Variants in TSPAN18 observed in about 807,000 individuals in gnomAD.
TSPAN18 encodes the protein tetraspanin 18, also known as tetraspanin-18.
A neutral mutation model predicts 27.3 loss-of-function variants in TSPAN18; 14 were observed. The observed-to-expected ratio is 0.51, with a 90% confidence interval of 0.34 to 0.80. The LOEUF is 0.80. Among genes scored for constraint, TSPAN18 ranks in the 30% least tolerant of loss-of-function variants. The probability of loss-of-function intolerance (pLI) is 0.01; values close to 1 mark genes in which losing one functional copy is unlikely to be tolerated. For synonymous variants in TSPAN18, 143 were observed against 136.5 expected (o/e 1.05, Z -0.33); for missense variants, 268 against 323.9 (o/e 0.83, Z 1.32).
chr11:44,863,145 C>T lies in TSPAN18; in HGVS notation c.-11+2676C>T, dbSNP rs534357031. Among the ~76,000 whole-genome samples, 8 of 152,294 alleles carry T rather than the reference C, an allele frequency of 5.3e-5. No homozygotes were observed. The East Asian group carries it at 1.5e-3, about 29-fold the overall frequency. On this transcript the variant is annotated intron_variant, in intron 3 of 9. Coordinates refer to ENST00000520358, the MANE Select transcript of TSPAN18 (RefSeq NM_130783.5). ...GTTCAGAGGCCAGAAGGAGATGTTACTGCTGCACAGTGGTGGTGTAAAATC... is the reference window on the plus strand; with the variant it reads ...GTTCAGAGGCCAGAAGGAGATGTTATTGCTGCACAGTGGTGGTGTAAAATC...
At chr11:44,853,354 G>A (rs970627847) in intron 2 of TSPAN18, among the ~76,000 whole-genome samples, 47 of 152,274 alleles carry the variant, frequency 3.1e-4, no homozygotes, top group African/African-American at 9.9e-4. Flanking sequence ...ATGGGACTGA[G>A]TTGTTTTGGG....
chr11:44,814,605 A>G (rs1160732588), intron 2 of TSPAN18, among the ~76,000 whole-genome samples: 2 of 152,202 alleles, frequency 1.3e-5, no homozygotes, highest in Non-Finnish European at 2.9e-5. Flanking sequence ...CTGGGGCTTC[A>G]GAGAGAAACA....
intron 2 of TSPAN18, among the ~76,000 whole-genome samples, chr11:44,826,058 G>A (rs1429410088): frequency 1.3e-5 from 2 of 152,176 alleles, no homozygotes; most frequent in Admixed American, 1.3e-4. Flanking sequence ...GGGAGATAGG[G>A]GCCACACTCT....
chr11:44,840,649 A>G (rs73452528), intron 2 of TSPAN18, among the ~76,000 whole-genome samples: 2,061 of 152,308 alleles, frequency 0.014, 49 homozygotes, highest in African/African-American at 0.046. Flanking sequence ...GTTTCAACAG[A>G]AACGCAGCGG....
At chr11:44,928,508 T>C (rs553046644) in intron 9 of TSPAN18, among the ~76,000 whole-genome samples, 1 of 152,246 alleles carries the variant, frequency 6.6e-6, no homozygotes, top group East Asian at 1.9e-4. Flanking sequence ...GTTCCTTGGC[T>C]GGGCGCTGTG....
intron 2 of TSPAN18, among the ~76,000 whole-genome samples, chr11:44,821,475 T>C (rs980878950): frequency 2.0e-5 from 3 of 152,192 alleles, no homozygotes; most frequent in African/African-American, 7.2e-5. Context: ...TGTACCCATA[T>C]TGGGATGATT....
rs995719320 is a variant in TSPAN18, at chr11:44,843,959, C to T, written c.-152-16369C>T. Among the ~76,000 whole-genome samples the T allele has an allele frequency of 2.0e-5, 3 of 152,208 alleles. No homozygotes were observed. The South Asian group carries it at 6.2e-4, about 32-fold the overall frequency. On this transcript the variant is annotated intron_variant, in intron 2 of 9. Transcript: ENST00000520358. ...ACGCAATTATTACAGGGTCCTGAGA[C>T]GTTATACATCCTTCTCAGCTGACAG...
chr11:44,833,307 T>C (rs937447892), intron 2 of TSPAN18, among the ~76,000 whole-genome samples: 1 of 152,108 alleles, frequency 6.6e-6, no homozygotes, highest in African/African-American at 2.4e-5. Flanking sequence ...ATAATAAAAT[T>C]GCCTTCTTGG....
At chr11:44,736,381 A>C (rs529634728) in intron 1 of TSPAN18, 2 of 152,358 alleles carry the variant, frequency 1.3e-5, no homozygotes, top group East Asian at 3.9e-4. Flanking sequence ...AATGAAAGGC[A>C]CCATTTGCAT....
intron 2 of TSPAN18, among the ~76,000 whole-genome samples, chr11:44,771,069 A>G (rs1855679834): frequency 6.6e-6 from 1 of 152,186 alleles, no homozygotes. Flanking sequence ...TTTGAGAGCC[A>G]TCAGCTTATA....
At chr11:44,790,658 C>T (rs994300834) in intron 2 of TSPAN18, among the ~76,000 whole-genome samples, 1 of 151,998 alleles carries the variant, frequency 6.6e-6, no homozygotes, top group Non-Finnish European at 1.5e-5. Context: ...TAGGAGAACA[C>T]AAAAGAACAT....
At position 44,930,990 on chromosome 11, in the gene TSPAN18, C is replaced by T. The variant is rs370771215; in HGVS notation, c.*1812C>T. 78 of 474,208 alleles carry T rather than the reference C, an allele frequency of 1.6e-4. No individual in the cohort carries two copies. Among genetic ancestry groups the T allele is most frequent in the South Asian group, 8.3e-4 (54 of 64,906 alleles). The allele number at this position is 474,208 out of a possible 1,614,324, so 29.4% of individuals were successfully genotyped here. A position where few individuals can be genotyped will look rare whatever the true frequency, so the allele number is the denominator to read the frequency against. On this transcript the variant is annotated 3_prime_UTR_variant, in exon 10 of 10. Coordinates refer to ENST00000520358, the MANE Select transcript of TSPAN18 (RefSeq NM_130783.5). Reference sequence around the variant, plus strand: ...AGAGCCCCGTGTTCCCTGGCCTGTGCGTCTGCCCCCTTCTGAGATGCAGCC... The same window carrying T: ...AGAGCCCCGTGTTCCCTGGCCTGTGTGTCTGCCCCCTTCTGAGATGCAGCC...
chr11:44,855,288 A>G (rs1406218126), intron 2 of TSPAN18, among the ~76,000 whole-genome samples: 1 of 152,208 alleles, frequency 6.6e-6, no homozygotes, highest in Non-Finnish European at 1.5e-5. Flanking sequence ...TTTCTGAGTC[A>G]TCTCAGGTTT....
intron 2 of TSPAN18, among the ~76,000 whole-genome samples, chr11:44,857,973 C>T (rs537366471): frequency 1.3e-5 from 2 of 152,346 alleles, no homozygotes; most frequent in South Asian, 4.1e-4. Flanking sequence ...GTGGCAGCAT[C>T]CCACAGTGAT....
chr11:44,869,971 ACCTCAGG>A (rs1338000389), intron 3 of TSPAN18, among the ~76,000 whole-genome samples: 1 of 149,218 alleles, frequency 6.7e-6, no homozygotes, highest in African/African-American at 2.5e-5. Flanking sequence ...TGACCTTGTG[ACCTCAGG>A]CCTCAGCCCG....
At chr11:44,811,708 C>T (rs189438248) in intron 2 of TSPAN18, among the ~76,000 whole-genome samples, 8 of 152,252 alleles carry the variant, frequency 5.3e-5, no homozygotes, top group Admixed American at 2.6e-4. Flanking sequence ...GTGATCCACC[C>T]GCCTTGGCCT....
rs371402924 is a variant in TSPAN18, at chr11:44,919,321, C to T, written c.432+9C>T. On this transcript the variant is annotated intron_variant, in intron 7 of 9. Coordinates refer to ENST00000520358, the MANE Select transcript of TSPAN18 (RefSeq NM_130783.5). ...ACTCGGTCATGATCACAGTGAGTGA[C>T]GCCCCAGAGATGCTATGAACATTCA... The T allele has an allele frequency of 6.5e-5, 105 of 1,610,242 alleles. No homozygotes were observed. Among genetic ancestry groups the T allele is most frequent in the South Asian group, 7.7e-5 (7 of 91,006 alleles).
At chr11:44,814,345 G>A (rs922020687) in intron 2 of TSPAN18, among the ~76,000 whole-genome samples, 2 of 152,094 alleles carry the variant, frequency 1.3e-5, no homozygotes, top group Non-Finnish European at 2.9e-5. Flanking sequence ...GCTTTACAAT[G>A]AAGACACGTG....
chr11:44,903,953 G>C (rs1859361579), intron 3 of TSPAN18: 12 of 447,432 alleles, frequency 2.7e-5, no homozygotes, highest in South Asian at 1.9e-4. Flanking sequence ...TAAATGTAAA[G>C]TATCAGGACG....
Sources: allele counts gnomAD v4.1 joint callset (sites outside exome capture counted in the v4.1 genomes callset), GRCh38; gene constraint gnomAD v4.1.1; transcripts MANE v1.5; gene names NCBI Gene and HGNC (gene_info 2026-07-23, HGNC 2026-07-21).